Variants in CHSY3 observed in about 807,000 individuals in gnomAD.
CHSY3 encodes chondroitin sulfate synthase 3.
In CHSY3, 35 loss-of-function variants were observed where a neutral mutation model predicts 67.2. That is an observed-to-expected ratio of 0.52 (90% confidence interval 0.40 to 0.69). The LOEUF (loss-of-function observed/expected upper bound fraction) is 0.69, where lower values mean the gene tolerates loss of function less well. Ranked by LOEUF, CHSY3 falls within the 30% of genes least tolerant of loss-of-function variation. CHSY3 has a pLI of 0.00. For synonymous variants in CHSY3, 474 were observed against 434.7 expected (o/e 1.09, Z -1.12); for missense variants, 1,069 against 1,138.5 (o/e 0.94, Z 0.88).
rs142589425 is a variant in CHSY3, at chr5:130,167,511, G to C, written c.1087-16718G>C. On this transcript the variant is annotated intron_variant, in intron 2 of 2. Transcript: ENST00000305031. ...AAAGTAAATCTTCTAAGAAAAAGGA[G>C]ATCTGGAATCTATAGTCAGGAAGAA... Among the ~76,000 whole-genome samples the C allele has an allele frequency of 4.1e-3, 619 of 152,202 alleles. 8 individuals carry two copies. Among genetic ancestry groups the C allele is most frequent in the South Asian group, 0.035 (170 of 4,818 alleles).
Position 130,000,732 on chromosome 5 carries a change from C to CTTTTTTT in CHSY3, c.1086+92392_1086+92398dup, listed in dbSNP as rs71000946. ...GGACTACAAATGTGTAACTTTTCTTCTTTTTTTTTTTTTTTTTTTTTTTTT... is the reference window on the plus strand; with the variant it reads ...GGACTACAAATGTGTAACTTTTCTTCTTTTTTTTTTTTTTTTTTTTTTTTTTTTTTTT... On this transcript the variant is annotated intron_variant, in intron 2 of 2. Transcript: ENST00000305031. 4.6e-3 allele frequency among the ~76,000 whole-genome samples: 348 copies of CTTTTTTT among 76,472 alleles called. 23 individuals are homozygous for CTTTTTTT. The highest frequency in any genetic ancestry group is 0.015 in the Middle Eastern group (1 of 66). The allele number at this position is 76,472 out of a possible 152,430, so 50.2% of individuals were successfully genotyped here.
At position 130,136,917 on chromosome 5, in the gene CHSY3, G is replaced by A. The variant is rs112811980; in HGVS notation, c.1087-47312G>A. On this transcript the variant is annotated intron_variant, in intron 2 of 2. Coordinates refer to ENST00000305031, the MANE Select transcript of CHSY3 (RefSeq NM_175856.5). ...TTTACTTCTTCCCTATTTTAATCTCGGGTTCTCAAAGCTTAATAAGACTTA... is the reference window on the plus strand; with the variant it reads ...TTTACTTCTTCCCTATTTTAATCTCAGGTTCTCAAAGCTTAATAAGACTTA... 6.6e-5 allele frequency among the ~76,000 whole-genome samples: 10 copies of A among 152,078 alleles called. 1 individual carries two copies. Among genetic ancestry groups the A allele is most frequent in the African/African-American group, 2.2e-4 (9 of 41,498 alleles).
chr5:129,924,808 A>G (rs1261748031), intron 2 of CHSY3, among the ~76,000 whole-genome samples: 1 of 152,124 alleles, frequency 6.6e-6, no homozygotes, highest in Non-Finnish European at 1.5e-5. Context: ...AGCAAGAGGA[A>G]AATGCACTGC....
chr5:129,958,550 A>G (rs957474886), intron 2 of CHSY3, among the ~76,000 whole-genome samples: 1 of 152,136 alleles, frequency 6.6e-6, no homozygotes. Context: ...GTACAGAGCA[A>G]GATGGGGTTT....
At chr5:130,129,258 T>A (rs142449659) in intron 2 of CHSY3, among the ~76,000 whole-genome samples, 190 of 152,282 alleles carry the variant, frequency 1.2e-3, no homozygotes, top group Non-Finnish European at 1.4e-3. Flanking sequence ...GAGCAACATT[T>A]GGCCACTCCA....
chr5:130,175,619 C>G (rs1368509195), intron 2 of CHSY3, among the ~76,000 whole-genome samples: 1 of 152,126 alleles, frequency 6.6e-6, no homozygotes, highest in Non-Finnish European at 1.5e-5. Flanking sequence ...TACAAGGCTA[C>G]AGTAATCCAA....
intron 2 of CHSY3, among the ~76,000 whole-genome samples, chr5:130,049,940 T>C (rs900184646): frequency 2.6e-5 from 4 of 152,054 alleles, no homozygotes; most frequent in African/African-American, 9.7e-5. Context: ...TGGTTTGTAC[T>C]TCTTCGACTG....
At chr5:130,090,663 C>T (rs577278114) in intron 2 of CHSY3, among the ~76,000 whole-genome samples, 2 of 152,272 alleles carry the variant, frequency 1.3e-5, no homozygotes, top group South Asian at 4.1e-4. Flanking sequence ...GCATTACTCA[C>T]TCATTTTTCT....
intron 2 of CHSY3, among the ~76,000 whole-genome samples, chr5:130,111,432 G>A (rs546516427): frequency 5.3e-4 from 80 of 152,160 alleles, no homozygotes; most frequent in African/African-American, 1.9e-3. Context: ...TCTAGCTGTT[G>A]TTAAGTTTGT....
intron 2 of CHSY3, among the ~76,000 whole-genome samples, chr5:130,009,281 C>G (rs1325274056): frequency 6.6e-6 from 1 of 152,070 alleles, no homozygotes; most frequent in Non-Finnish European, 1.5e-5. Flanking sequence ...AGCAGAAATT[C>G]TATAAGCCAG....
At chr5:130,043,048 A>C (rs2149666423) in intron 2 of CHSY3, among the ~76,000 whole-genome samples, 1 of 152,202 alleles carries the variant, frequency 6.6e-6, no homozygotes, top group Non-Finnish European at 1.5e-5. Context: ...GGTCCAAAGA[A>C]AAAGCTGAAA....
At chr5:129,947,237 T>C (rs759200242) in intron 2 of CHSY3, among the ~76,000 whole-genome samples, 1 of 152,116 alleles carries the variant, frequency 6.6e-6, no homozygotes, top group African/African-American at 2.4e-5. Flanking sequence ...CTCACTATCA[T>C]GAGAACAACA....
intron 2 of CHSY3, among the ~76,000 whole-genome samples, chr5:129,944,090 T>A (rs779614327): frequency 1.1e-4 from 16 of 152,222 alleles, no homozygotes; most frequent in Non-Finnish European, 1.8e-4. Context: ...TGGGCTTCAA[T>A]GCTAAGTTGA....
intron 2 of CHSY3, among the ~76,000 whole-genome samples, chr5:129,995,592 T>C (rs776822454): frequency 6.6e-6 from 1 of 151,510 alleles, no homozygotes; most frequent in Non-Finnish European, 1.5e-5. Flanking sequence ...AGAAAAGTAG[T>C]GCGCATGTAT....
At chr5:130,043,829 A>T (rs1335382658) in intron 2 of CHSY3, among the ~76,000 whole-genome samples, 1 of 152,134 alleles carries the variant, frequency 6.6e-6, no homozygotes, top group African/African-American at 2.4e-5. Flanking sequence ...TCATTGGAGA[A>T]AAAGGTTGAC....
chr5:130,020,461 A>ATATATATT (rs1371121130), intron 2 of CHSY3, among the ~76,000 whole-genome samples: 40 of 79,842 alleles, frequency 5.0e-4, no homozygotes, highest in Non-Finnish European at 6.9e-4. Context: ...ATATATATAT[A>ATATATATT]TTTTTTTTTT....
At chr5:130,081,582 C>T (rs1173703901) in intron 2 of CHSY3, among the ~76,000 whole-genome samples, 3 of 152,026 alleles carry the variant, frequency 2.0e-5, no homozygotes, top group African/African-American at 7.2e-5. Flanking sequence ...CCATAATACC[C>T]ACATGTTGTG....
chr5:130,161,737 A>G (rs1251975932), intron 2 of CHSY3, among the ~76,000 whole-genome samples: 2 of 152,114 alleles, frequency 1.3e-5, no homozygotes, highest in East Asian at 3.9e-4. Flanking sequence ...CACTTCAAAA[A>G]TAGTTGAAAA....
rs151259417 is a variant in CHSY3, at chr5:130,176,314, G to A, written c.1087-7915G>A. On this transcript the variant is annotated intron_variant, in intron 2 of 2. Coordinates refer to ENST00000305031, the MANE Select transcript of CHSY3 (RefSeq NM_175856.5). ...AAACCACAATGAGATATCATCTCAC[G>A]TCAGTTAGAATGGTGATCAATAAAA... Among the ~76,000 whole-genome samples, 888 of 152,130 alleles carry A rather than the reference G, an allele frequency of 5.8e-3. 16 individuals are homozygous for A. The highest frequency in any genetic ancestry group is 0.019 in the African/African-American group (803 of 41,490).
Sources: allele counts gnomAD v4.1 joint callset (sites outside exome capture counted in the v4.1 genomes callset), GRCh38; gene constraint gnomAD v4.1.1; transcripts MANE v1.5; gene names NCBI Gene and HGNC (gene_info 2026-07-23, HGNC 2026-07-21).